Variants in HIRA observed in about 807,000 individuals in gnomAD.
HIRA encodes histone cell cycle regulator, also known as protein HIRA.
In HIRA, 13 loss-of-function variants were observed where a neutral mutation model predicts 126.6. That is an observed-to-expected ratio of 0.10 (90% CI 0.07 to 0.16). The LOEUF (loss-of-function observed/expected upper bound fraction) is 0.16. Ranked by LOEUF, HIRA falls within the 10% of genes least tolerant of loss-of-function variation. The pLI is 1.00. For synonymous variants in HIRA, 511 were observed against 520.0 expected, an observed-to-expected ratio of 0.98 and a Z score of 0.24; for missense variants, 834 against 1,314.4, an observed-to-expected ratio of 0.63 and a Z score of 5.65.
At chr22:19,388,383 G>A (rs2089147075) in intron 10 of HIRA, 101 bp downstream of exon 10, 3 of 850,592 alleles carry the variant, frequency 3.5e-6, no homozygotes, top group African/African-American at 1.7e-5. Flanking sequence ...CCTGGGGAGG[G>A]GCCACTGGCC....
At position 19,361,774 on chromosome 22, in the gene HIRA, G is replaced by T. The variant is rs764392337; in HGVS notation, c.1933C>A (p.Arg645=). The change falls in exon 16 of 25, where the codon CGG becomes AGG. Residue 645 remains arginine, a synonymous_variant. Coordinates refer to ENST00000263208, the MANE Select transcript of HIRA (RefSeq NM_003325.4). ...ATGAGACGAGAGTCCTTCCGAGGCCGCCCTTTCTTCTTCTTCTCTACTGTC... is the reference window on the plus strand; with the variant it reads ...ATGAGACGAGAGTCCTTCCGAGGCCTCCCTTTCTTCTTCTTCTCTACTGTC... ...VETVEKKKKG[R]PRKDSRLMPV... is the part of the protein sequence containing the mutation. 4 of 1,613,434 alleles carry T rather than the reference G, an allele frequency of 2.5e-6. No individual in the cohort carries two copies. The Admixed American group carries it at 5.0e-5, about 20-fold the overall frequency.
At chr22:19,361,631 A>G in intron 16 of HIRA, 96 bp downstream of exon 16, 2 of 1,244,846 alleles carry the variant, frequency 1.6e-6, no homozygotes, top group East Asian at 2.3e-5. Flanking sequence ...TCCCAAGGTG[A>G]CCCACCCAGC....
intron 9 of HIRA, among the ~76,000 whole-genome samples, chr22:19,389,180 T>A (rs1259117479): frequency 6.6e-6 from 1 of 152,212 alleles, no homozygotes; most frequent in Non-Finnish European, 1.5e-5. Flanking sequence ...TTCTTCATAG[T>A]TGTGTCTGTT....
intron 15 of HIRA, among the ~76,000 whole-genome samples, chr22:19,373,109 A>G (rs1190250558): frequency 6.6e-6 from 1 of 152,230 alleles, no homozygotes; most frequent in East Asian, 1.9e-4. Flanking sequence ...CCAAGGTCAC[A>G]TAGATTTCTA....
rs782335076 is a variant in HIRA at position 19,353,992 on chromosome 22, G to A, written c.2684+4C>T. Reference sequence around the variant, plus strand: ...ACAGTGGCCATGGCATTCAGGTCACGTACTTGGAGGTGCGGCCCTGGATTA... The same window carrying A: ...ACAGTGGCCATGGCATTCAGGTCACATACTTGGAGGTGCGGCCCTGGATTA... On this transcript the variant is annotated splice_donor_region_variant and intron_variant, in intron 22 of 24. Coordinates refer to ENST00000263208, the MANE Select transcript of HIRA (RefSeq NM_003325.4). 6.2e-6 allele frequency: 10 copies of A among 1,612,908 alleles called. No homozygotes were observed. Among genetic ancestry groups the A allele is most frequent in the Middle Eastern group, 1.7e-4 (1 of 6,050 alleles).
At position 19,388,398 on chromosome 22, in the gene HIRA, G is replaced by A. The variant is rs528936015; in HGVS notation, c.1007+86C>T. The A allele has an allele frequency of 4.1e-5, 43 of 1,045,482 alleles. No homozygotes were observed. In the African/African-American group the frequency reaches 6.4e-4, roughly 16 times the overall value. 64.8% of individuals were successfully genotyped at this position (1,045,482 alleles called of 1,614,324 possible). On this transcript the variant is annotated intron_variant, in intron 10 of 24. Transcript: ENST00000263208. ...CCTGGGGAGGGGCCACTGGCCACCT[G>A]ACCCTAGTCACACCCAGAAGGCCTC...
intron 9 of HIRA, among the ~76,000 whole-genome samples, chr22:19,389,636 C>T (rs978402241): frequency 9.2e-5 from 14 of 152,176 alleles, no homozygotes; most frequent in South Asian, 6.2e-4. Context: ...CTGCCTTGTC[C>T]CTCCTCTCAT....
Position 19,398,101 on chromosome 22 carries a change from G to A in HIRA, c.398-14C>T. The A allele has an allele frequency of 2.5e-6, 4 of 1,605,402 alleles. No homozygotes were observed. The highest frequency in any genetic ancestry group is 2.6e-6 in the Non-Finnish European group (3 of 1,172,474). Reference sequence around the variant, plus strand: ...CATCCATCACATCTGAAAGAAGACAGAGGGTTCTGGTGAGATCTCTTACCT... The same window carrying A: ...CATCCATCACATCTGAAAGAAGACAAAGGGTTCTGGTGAGATCTCTTACCT... On this transcript the variant is annotated splice_polypyrimidine_tract_variant and intron_variant, in intron 5 of 24. Coordinates refer to ENST00000263208, the MANE Select transcript of HIRA (RefSeq NM_003325.4).
chr22:19,353,375 T>C lies in HIRA; in HGVS notation c.2829A>G (p.Ala943=), dbSNP rs782287647. The change falls in exon 23 of 25, where the codon GCA becomes GCG. Residue 943 remains alanine (A), a synonymous_variant. Coordinates refer to ENST00000263208, the MANE Select transcript of HIRA (RefSeq NM_003325.4). ...CCTCACCTTCGTTTACGAGGTACCGTGCGTAGACGAGGAGCCAATGGCGGT... is the reference window on the plus strand; with the variant it reads ...CCTCACCTTCGTTTACGAGGTACCGCGCGTAGACGAGGAGCCAATGGCGGT... ...HEYRHWLLVY[A]RYLVNEGFEY... The C allele has an allele frequency of 5.5e-5, 89 of 1,612,684 alleles. 1 individual carries two copies. In the East Asian group the frequency reaches 6.9e-4, roughly 13 times the overall value.
At chr22:19,415,743 T>G (rs1022581644) in intron 1 of HIRA, among the ~76,000 whole-genome samples, 1 of 152,060 alleles carries the variant, frequency 6.6e-6, no homozygotes, top group African/African-American at 2.4e-5. Context: ...GAGCCAATTT[T>G]GTGCCATTGC....
At chr22:19,340,139 C>G (rs1210700) in intron 24 of HIRA, among the ~76,000 whole-genome samples, 131,867 of 152,170 alleles carry the variant, frequency 0.87, 58,450 homozygotes, top group Non-Finnish European at 0.96. Flanking sequence ...ACTACCTAAT[C>G]GAATCAAATG....
At chr22:19,385,312 G>GTA (rs1222176666) in intron 12 of HIRA, among the ~76,000 whole-genome samples, 1 of 152,204 alleles carries the variant, frequency 6.6e-6, no homozygotes, top group Non-Finnish European at 1.5e-5. Flanking sequence ...TGGGCTCCTG[G>GTA]GGATAAGGAG....
chr22:19,422,167 T>TACACACAC (rs1414193157), intron 1 of HIRA, among the ~76,000 whole-genome samples: 76 of 56,266 alleles, frequency 1.4e-3, no homozygotes, highest in African/African-American at 5.6e-3. Flanking sequence ...AATGTGTTTA[T>TACACACAC]ATATACACAC....
intron 15 of HIRA, among the ~76,000 whole-genome samples, chr22:19,362,452 T>C (rs934834564): frequency 2.0e-5 from 3 of 152,216 alleles, no homozygotes; most frequent in African/African-American, 7.2e-5. Flanking sequence ...TATTTGAAAG[T>C]AGAGTTAGGT....
In HIRA at chr22:19,356,316, T is replaced by C. The variant is rs782673525; in HGVS notation, c.2397-28A>G. The C allele has an allele frequency of 9.3e-6, 15 of 1,604,592 alleles. No homozygotes were observed. In the South Asian group the frequency reaches 1.7e-4, roughly 18 times the overall value. On this transcript the variant is annotated intron_variant, in intron 19 of 24. Coordinates refer to ENST00000263208, the MANE Select transcript of HIRA (RefSeq NM_003325.4). Reference sequence around the variant, plus strand: ...AGGAGGGAGACAGGGAACAGTTTACTCACCAACCCAGGTAAACACATCAGA... The same window carrying C: ...AGGAGGGAGACAGGGAACAGTTTACCCACCAACCCAGGTAAACACATCAGA...
intron 4 of HIRA, among the ~76,000 whole-genome samples, chr22:19,406,945 T>C (rs1213484254): frequency 6.6e-6 from 1 of 152,184 alleles, no homozygotes; most frequent in Non-Finnish European, 1.5e-5. Context: ...ACATCGGCAC[T>C]AGAAGAGATC....
chr22:19,396,995 G>GT, intron 6 of HIRA, 48 bp from the exon 7 acceptor site: 1 of 1,573,190 alleles, frequency 6.4e-7, no homozygotes, highest in Non-Finnish European at 8.7e-7. Context: ...AGGGAAACAT[G>GT]ACCTGCAATC....
At chr22:19,403,380 C>A (rs552410766) in intron 5 of HIRA, among the ~76,000 whole-genome samples, 44 of 152,130 alleles carry the variant, frequency 2.9e-4, no homozygotes, top group Non-Finnish European at 5.3e-4. Context: ...GAGGCCAGGA[C>A]AGGCAGATCA....
intron 5 of HIRA, among the ~76,000 whole-genome samples, chr22:19,404,156 C>T (rs114575498): frequency 0.016 from 2,443 of 152,116 alleles, 67 homozygotes; most frequent in African/African-American, 0.055. Flanking sequence ...TTCAAAGATC[C>T]GGTTCTTTCT....
Sources: gnomAD v4.1 joint callset for allele counts (sites outside exome capture counted in the v4.1 genomes callset) on GRCh38, gnomAD v4.1.1 for gene constraint, MANE v1.5 for transcripts, NCBI Gene and HGNC (gene_info 2026-07-23, HGNC 2026-07-21) for gene names.